Variants in SPRED2 observed in about 807,000 individuals in gnomAD.
SPRED2 encodes sprouty related EVH1 domain containing 2.
SPRED2 carries 47 observed loss-of-function variants against 43.0 expected under a neutral mutation model. The ratio of observed to expected loss-of-function variants is 1.09; its 90% CI spans 0.87 to 1.40. The LOEUF is 1.40. SPRED2 is among the 40% of genes most tolerant of loss of function. SPRED2 has a pLI of 0.00. For synonymous variants in SPRED2, 225 were observed against 225.7 expected (o/e 1.00, Z 0.03); for missense variants, 561 against 586.4 (o/e 0.96, Z 0.45).
At chr2:65,404,205 CAA>C (rs66929038) in intron 1 of SPRED2, among the ~76,000 whole-genome samples, 12 of 135,950 alleles carry the variant, frequency 8.8e-5, no homozygotes, top group Non-Finnish European at 7.7e-5. Flanking sequence ...GACTCCGTCT[CAA>C]AAAAAAAAAA....
intron 1 of SPRED2, among the ~76,000 whole-genome samples, chr2:65,350,733 G>T (rs1674483681): frequency 6.6e-6 from 1 of 152,204 alleles, no homozygotes; most frequent in South Asian, 2.1e-4. Context: ...ATCTCCACAG[G>T]AAAGTTTTAG....
At chr2:65,338,201 C>T (rs1674030650) in intron 2 of SPRED2, among the ~76,000 whole-genome samples, 1 of 107,692 alleles carries the variant, frequency 9.3e-6, no homozygotes, top group Non-Finnish European at 2.0e-5. Context: ...CTCCCGTCTC[C>T]CTCTCCCTCT....
At chr2:65,389,374 C>T (rs924387442) in intron 1 of SPRED2, among the ~76,000 whole-genome samples, 1 of 151,936 alleles carries the variant, frequency 6.6e-6, no homozygotes, top group Non-Finnish European at 1.5e-5. Context: ...ATTACTTCTC[C>T]TCTTACCCCT....
chr2:65,359,187 C>T (rs11675951), intron 1 of SPRED2, among the ~76,000 whole-genome samples: 7,841 of 152,244 alleles, frequency 0.052, 298 homozygotes, highest in Middle Eastern at 0.15. Flanking sequence ...TAGTTGACTA[C>T]ACAGAGGGAC....
chr2:65,388,410 G>C (rs972024757), intron 1 of SPRED2, among the ~76,000 whole-genome samples: 3 of 152,216 alleles, frequency 2.0e-5, no homozygotes, highest in African/African-American at 7.2e-5. Flanking sequence ...TGCCTGCCCA[G>C]TGCCTGGCTC....
rs746464278 is a variant in SPRED2 at position 65,350,784 on chromosome 2, C to T, written c.27-5888G>A. 6.0e-4 allele frequency among the ~76,000 whole-genome samples: 92 copies of T among 152,192 alleles called. 1 individual carries two copies. Among genetic ancestry groups the T allele is most frequent in the Admixed American group, 6.5e-4 (10 of 15,280 alleles). ...TTCTAAGTGTTCTCCAGTTTCAAAG[C>T]AGGCCCCGTCTGGGCCACGTTACAG... On this transcript the variant is annotated intron_variant, in intron 1 of 5. Transcript: ENST00000356388.
intron 1 of SPRED2, among the ~76,000 whole-genome samples, chr2:65,346,996 C>T (rs1674368370): frequency 6.6e-6 from 1 of 152,186 alleles, no homozygotes; most frequent in Non-Finnish European, 1.5e-5. Context: ...TGTCTTACAA[C>T]CAACTTTAGC....
intron 1 of SPRED2, among the ~76,000 whole-genome samples, chr2:65,355,232 TGTATCAGTCAC>T (rs1168626588): frequency 6.6e-6 from 1 of 152,186 alleles, no homozygotes; most frequent in Non-Finnish European, 1.5e-5. Flanking sequence ...TAGGGGCCTC[TGTATCAGTCAC>T]GTATCTGTGC....
At chr2:65,322,290 A>ATTTTTTT (rs1346549604) in intron 4 of SPRED2, among the ~76,000 whole-genome samples, 8 of 78,992 alleles carry the variant, frequency 1.0e-4, no homozygotes, top group African/African-American at 4.9e-4. Flanking sequence ...ATATATATAT[A>ATTTTTTT]TATATTTTTT....
rs1558654746 is a variant in SPRED2 at position 65,331,976 on chromosome 2, A to G, written c.438+11T>C. ...AACTAATCTGGAAAGCAAAGGACAA[A>G]GGAAACTTACTGTAAAAACGTCATC... is the stretch of plus-strand genomic sequence containing the variant. On this transcript the variant is annotated intron_variant, in intron 4 of 5. Coordinates refer to ENST00000356388, the MANE Select transcript of SPRED2 (RefSeq NM_181784.3). 6.3e-7 allele frequency: 1 copy of G among 1,599,540 alleles called. No individual in the cohort carries two copies. Among genetic ancestry groups the G allele is most frequent in the Admixed American group, 1.7e-5 (1 of 58,932 alleles).
chr2:65,346,217 A>AC (rs965507348), intron 1 of SPRED2, among the ~76,000 whole-genome samples: 5 of 151,050 alleles, frequency 3.3e-5, no homozygotes, highest in Admixed American at 1.3e-4. Flanking sequence ...ATTTTCTATG[A>AC]CCCCCTATGG....
At chr2:65,424,376 A>T (rs893473421) in intron 1 of SPRED2, among the ~76,000 whole-genome samples, 1 of 152,200 alleles carries the variant, frequency 6.6e-6, no homozygotes, top group Admixed American at 6.5e-5. Context: ...TATTTTTTCA[A>T]TTAATGAATA....
chr2:65,307,431 A>C (rs1672964128), downstream of SPRED2, among the ~76,000 whole-genome samples: 1 of 151,808 alleles, frequency 6.6e-6, no homozygotes, highest in Admixed American at 6.6e-5. Context: ...CCTGACCTCA[A>C]GTGATCCACC....
At chr2:65,325,338 C>T (rs1673578439) in intron 4 of SPRED2, among the ~76,000 whole-genome samples, 1 of 152,174 alleles carries the variant, frequency 6.6e-6, no homozygotes, top group Admixed American at 6.5e-5. Context: ...CCATAGAAAA[C>T]AATGTTAAAG....
At chr2:65,374,599 T>C (rs1019115441) in intron 1 of SPRED2, among the ~76,000 whole-genome samples, 1 of 152,248 alleles carries the variant, frequency 6.6e-6, no homozygotes, top group Admixed American at 6.5e-5. Flanking sequence ...GATATTTACC[T>C]GGATGAGAAT....
intron 1 of SPRED2, among the ~76,000 whole-genome samples, chr2:65,360,089 C>CAAAAAAAAAACAAAAAAAAAA (rs1674765647): frequency 1.2e-4 from 5 of 43,150 alleles, no homozygotes; most frequent in Non-Finnish European, 2.5e-4. Context: ...CAAAAAAAAA[C>CAAAAAAAAAACAAAAAAAAAA]AAAAAAAAAA....
intron 1 of SPRED2, among the ~76,000 whole-genome samples, chr2:65,357,504 C>T (rs1185424684): frequency 6.6e-6 from 1 of 152,216 alleles, no homozygotes; most frequent in Non-Finnish European, 1.5e-5. Flanking sequence ...AGATAAAGGA[C>T]TAAGATCAGT....
intron 1 of SPRED2, among the ~76,000 whole-genome samples, chr2:65,362,619 G>A (rs1674850137): frequency 6.6e-6 from 1 of 152,088 alleles, no homozygotes; most frequent in Admixed American, 6.5e-5. Flanking sequence ...ACTGGGTTGG[G>A]AGGCCAAGGT....
intron 1 of SPRED2, among the ~76,000 whole-genome samples, chr2:65,424,654 T>C (rs1293277437): frequency 6.6e-6 from 1 of 151,932 alleles, no homozygotes; most frequent in Non-Finnish European, 1.5e-5. Flanking sequence ...AAATAAAAGA[T>C]AAAGCTATTC....
Sources: allele counts gnomAD v4.1 joint callset (sites outside exome capture counted in the v4.1 genomes callset), GRCh38; gene constraint gnomAD v4.1.1; transcripts MANE v1.5; gene names NCBI Gene and HGNC (gene_info 2026-07-23, HGNC 2026-07-21).